Variants in SHISA5 observed in about 807,000 individuals in gnomAD.
The protein encoded by SHISA5 is shisa family member 5, also known as protein shisa-5.
A neutral mutation model predicts 27.5 loss-of-function variants in SHISA5; 21 were observed. The ratio of observed to expected loss-of-function variants is 0.76; its 90% confidence interval spans 0.54 to 1.10. The LOEUF is 1.10. Among genes scored for constraint, SHISA5 ranks in the 50% least tolerant of loss-of-function variants. The pLI is 0.00. For synonymous variants in SHISA5, 137 were observed against 142.2 expected (o/e 0.96, Z 0.26); for missense variants, 314 against 336.3 (o/e 0.93, Z 0.52).
chr3:48,485,742 A>T (rs1477240687), intron 2 of SHISA5, among the ~76,000 whole-genome samples: 2 of 151,194 alleles, frequency 1.3e-5, no homozygotes, highest in Admixed American at 6.7e-5. Context: ...TGTGAAGCTG[A>T]TATGAGTGGT....
rs1302552848 is a variant in SHISA5 at position 48,472,300 on chromosome 3, CA to C, written c.315-2458del. On this transcript the variant is annotated intron_variant, in intron 3 of 5. Transcript: ENST00000296444. ...GTCAGGAATTTGAGACCAGCCTGGG[CA>C]ACATAGTGAAACCCCATCTCTACTA... is the stretch of plus-strand genomic sequence containing the variant. 3.0e-3 allele frequency among the ~76,000 whole-genome samples: 453 copies of C among 151,456 alleles called. 2 individuals carry two copies. Among genetic ancestry groups the C allele is most frequent in the African/African-American group, 0.011 (439 of 41,290 alleles).
At chr3:48,494,803 T>A (rs1175715069) in intron 2 of SHISA5, among the ~76,000 whole-genome samples, 1 of 147,356 alleles carries the variant, frequency 6.8e-6, no homozygotes, top group Non-Finnish European at 1.5e-5. Flanking sequence ...CTGGATCATA[T>A]GCACATGGTA....
chr3:48,504,203 C>G (rs1486477810), upstream of SHISA5: 4 of 447,470 alleles, frequency 8.9e-6, no homozygotes, highest in South Asian at 1.0e-4. This position sits in a 1 kb window ranked among gnomAD's most constrained non-coding sequence, Gnocchi z 4.0. Flanking sequence ...CGCCCCGGCC[C>G]GGCTGGTTCC....
Position 48,501,046 on chromosome 3 carries a change from G to A in SHISA5, c.233+91C>T, listed in dbSNP as rs2041737377. 5.7e-6 allele frequency: 8 copies of A among 1,391,782 alleles called. No individual in the cohort carries two copies. The Admixed American group carries it at 1.8e-4, about 32-fold the overall frequency. The allele number at this position is 1,391,782 out of a possible 1,614,324, so 86.2% of individuals were successfully genotyped here. On this transcript the variant is annotated intron_variant, in intron 2 of 5. Coordinates refer to ENST00000296444, the MANE Select transcript of SHISA5 (RefSeq NM_016479.6). ...GGCCACCATCTTGAGAGGGCTGAGA[G>A]GCCAGAGGGGCAGAGCTATCTCTCT...
chr3:48,498,839 T>C (rs2041659627), intron 2 of SHISA5, among the ~76,000 whole-genome samples: 1 of 151,754 alleles, frequency 6.6e-6, no homozygotes, highest in African/African-American at 2.4e-5. Flanking sequence ...CCCAGCACTT[T>C]GGGAGGCCGA....
rs1042604890 is a variant in SHISA5, at chr3:48,483,209, A to G, written c.234-3952T>C. Among the ~76,000 whole-genome samples the G allele has an allele frequency of 5.4e-4, 82 of 152,024 alleles. No individual in the cohort carries two copies. In the East Asian group the frequency reaches 9.7e-3, roughly 18 times the overall value. On this transcript the variant is annotated intron_variant, in intron 2 of 5. Transcript: ENST00000296444. ...GATAAACAAGTGAACAAAGGTCTCTAGTTTTCCTAGGCAGAGGACCCTGCG... is the reference window on the plus strand; with the variant it reads ...GATAAACAAGTGAACAAAGGTCTCTGGTTTTCCTAGGCAGAGGACCCTGCG...
intron 2 of SHISA5, among the ~76,000 whole-genome samples, chr3:48,497,628 T>C (rs1410412988): frequency 6.6e-6 from 1 of 151,894 alleles, no homozygotes; most frequent in Admixed American, 6.6e-5. Flanking sequence ...TAGGTGCACC[T>C]GTAATCTCAG....
At chr3:48,504,200 G>C (rs1277533726), upstream of SHISA5, 4 of 458,494 alleles carry the variant, frequency 8.7e-6, no homozygotes, top group African/African-American at 2.0e-5. The surrounding 1 kb of genome is among the most constrained non-coding windows in gnomAD (Gnocchi z 4.0). Context: ...CCCCGCCCCG[G>C]CCCGGCTGGT....
In SHISA5 at chr3:48,469,869, G is replaced by A; in HGVS notation, c.315-26C>T. ...CTGCCAAAGAGCTAGACGTGACCCGGGGCACCTCGCCCCTCCCCAGACCAG... is the reference window on the plus strand; with the variant it reads ...CTGCCAAAGAGCTAGACGTGACCCGAGGCACCTCGCCCCTCCCCAGACCAG... On this transcript the variant is annotated intron_variant, in intron 3 of 5. Transcript: ENST00000296444. This position sits in a 1 kb window ranked among gnomAD's most constrained non-coding sequence, Gnocchi z 4.6. The A allele has an allele frequency of 6.2e-7, 1 of 1,602,026 alleles. No individual in the cohort carries two copies. The highest frequency in any genetic ancestry group is 8.5e-7 in the Non-Finnish European group (1 of 1,174,204).
In SHISA5 at chr3:48,473,405, AC is replaced by A; in HGVS notation, c.315-3563del. ...CCCAACCACACTCTAGCTCAGCAGC[AC>A]CCCCACCCCCACTTCCACCTAACCC... On this transcript the variant is annotated intron_variant, in intron 3 of 5. Coordinates refer to ENST00000296444, the MANE Select transcript of SHISA5 (RefSeq NM_016479.6). The surrounding 1 kb of genome is among the most constrained non-coding windows in gnomAD (Gnocchi z 4.3). The A allele has an allele frequency of 7.6e-7, 1 of 1,312,448 alleles. No homozygotes were observed. The highest frequency in any genetic ancestry group is 1.0e-6 in the Non-Finnish European group (1 of 1,004,600). The allele number at this position is 1,312,448 out of a possible 1,614,324, so 81.3% of individuals were successfully genotyped here.
At chr3:48,495,146 T>C (rs1186397212) in intron 2 of SHISA5, among the ~76,000 whole-genome samples, 1 of 146,228 alleles carries the variant, frequency 6.8e-6, no homozygotes, top group Non-Finnish European at 1.5e-5. Context: ...AATCCAAGTT[T>C]TGAAGAGGAT....
At chr3:48,483,984 TGGGATTACAGGTGTGAGCCACTGCA>T (rs2041118600) in intron 2 of SHISA5, among the ~76,000 whole-genome samples, 1 of 152,212 alleles carries the variant, frequency 6.6e-6, no homozygotes, top group Non-Finnish European at 1.5e-5. Context: ...CCCAAAGTGC[TGGGATTACAGGTGTGAGCCACTGCA>T]CCCAGCCAAA....
At chr3:48,483,726 C>A (rs1369319934) in intron 2 of SHISA5, among the ~76,000 whole-genome samples, 4 of 150,258 alleles carry the variant, frequency 2.7e-5, no homozygotes, top group African/African-American at 4.9e-5. Flanking sequence ...GGCTGACCCC[C>A]CCACCTCCCT....
In SHISA5 at chr3:48,469,515, T is replaced by C. The variant is rs1357423290; in HGVS notation, c.489A>G (p.Pro163=). The C allele has an allele frequency of 1.9e-6, 3 of 1,613,562 alleles. No homozygotes were observed. The African/African-American group carries it at 4.0e-5, about 22-fold the overall frequency. ...TVVHAPYPQP[P]SVPPSYPGPS... ...GTCCAGGGTAGCTGGGCGGCACACT[T>C]GGAGGCTGAGGATAAGGGGCATGCA... Residue 163 remains proline (P), a synonymous_variant, in exon 5 of 6, where the codon CCA becomes CCG. Transcript: ENST00000296444. This position sits in a 1 kb window ranked among gnomAD's most constrained non-coding sequence, Gnocchi z 4.6.
At chr3:48,496,289 C>CAAA (rs71074254) in intron 2 of SHISA5, among the ~76,000 whole-genome samples, 8 of 136,502 alleles carry the variant, frequency 5.9e-5, no homozygotes, top group East Asian at 4.3e-4. Context: ...GCGACTCCGT[C>CAAA]AAAAAAAAAA....
At chr3:48,494,138 G>C (rs1468345488) in intron 2 of SHISA5, among the ~76,000 whole-genome samples, 1 of 146,712 alleles carries the variant, frequency 6.8e-6, no homozygotes, top group Non-Finnish European at 1.5e-5. Flanking sequence ...CCTAGTCTCC[G>C]GTTACCACCA....
chr3:48,468,302 G>A lies in SHISA5; in HGVS notation c.*805C>T. 1 of 1,024,496 alleles carries A rather than the reference G, an allele frequency of 9.8e-7. No individual in the cohort carries two copies. The highest frequency in any genetic ancestry group is 1.2e-6 in the Non-Finnish European group (1 of 853,318). The allele number at this position is 1,024,496 out of a possible 1,614,324, so 63.5% of individuals were successfully genotyped here. A position where few individuals can be genotyped will look rare whatever the true frequency, so the allele number is the denominator to read the frequency against. On this transcript the variant is annotated 3_prime_UTR_variant, in exon 6 of 6. Transcript: ENST00000296444. ...GCAGGGAAGAGAACTGAGTGTGCTG[G>A]TGGACAGGAGCCCTGCTCACCTGTG...
Position 48,469,518 on chromosome 3 carries a change from A to G in SHISA5, c.486T>C (p.Pro162=), listed in dbSNP as rs149200061. ...TTVVHAPYPQ[P]PSVPPSYPGP... ...CAGGGTAGCTGGGCGGCACACTTGG[A>G]GGCTGAGGATAAGGGGCATGCACCA... The change falls in exon 5 of 6, where the codon CCT becomes CCC. Residue 162 remains proline, a synonymous_variant. Transcript: ENST00000296444. The surrounding 1 kb of genome is among the most constrained non-coding windows in gnomAD (Gnocchi z 4.6). 146 of 1,613,638 alleles carry G rather than the reference A, an allele frequency of 9.0e-5. No homozygotes were observed. Among genetic ancestry groups the G allele is most frequent in the Non-Finnish European group, 4.8e-5 (57 of 1,179,816 alleles).
chr3:48,483,107 T>TA (rs1553825936), intron 2 of SHISA5, among the ~76,000 whole-genome samples: 3,633 of 151,624 alleles, frequency 0.024, 61 homozygotes, highest in Non-Finnish European at 0.038. Flanking sequence ...TTTTTTTTTT[T>TA]ATTGATCATT....
Sources: allele counts gnomAD v4.1 joint callset (sites outside exome capture counted in the v4.1 genomes callset), GRCh38; gene constraint gnomAD v4.1.1; non-coding constraint Gnocchi (gnomAD v3.1); transcripts MANE v1.5; gene names NCBI Gene and HGNC (gene_info 2026-07-23, HGNC 2026-07-21).